The following BMPR1B variants were observed in gnomAD, a reference collection of about 807,000 sequenced individuals.
BMPR1B encodes bone morphogenetic protein receptor type 1B.
In BMPR1B, 12 loss-of-function variants were observed where a neutral mutation model predicts 59.1. That is an observed-to-expected ratio of 0.20 (90% CI 0.13 to 0.33). BMPR1B has a LOEUF of 0.33. Ranked by LOEUF, BMPR1B falls within the 10% of genes least tolerant of loss-of-function variation. The pLI, the probability that BMPR1B is intolerant of heterozygous loss-of-function variation, is 1.00. For missense variants in BMPR1B, 550 were observed against 610.9 expected (o/e 0.90, Z 1.05); for synonymous variants, 237 against 207.3 (o/e 1.14, Z -1.23).
intron 1 of BMPR1B, among the ~76,000 whole-genome samples, chr4:94,852,940 A>T (rs1237822178): frequency 6.6e-6 from 1 of 152,170 alleles, no homozygotes; most frequent in Non-Finnish European, 1.5e-5. Flanking sequence ...TAGACAAAGA[A>T]ATATTAGGTG....
intron 3 of BMPR1B, among the ~76,000 whole-genome samples, chr4:95,004,114 A>G (rs1228252785): frequency 6.6e-6 from 1 of 152,214 alleles, no homozygotes; most frequent in Non-Finnish European, 1.5e-5. Flanking sequence ...CTTCATAAAC[A>G]TAGTTTGTGT....
At chr4:95,017,066 G>T (rs1320296646) in intron 3 of BMPR1B, among the ~76,000 whole-genome samples, 1 of 152,096 alleles carries the variant, frequency 6.6e-6, no homozygotes, top group Non-Finnish European at 1.5e-5. Flanking sequence ...ATGAGTGGGG[G>T]TCTTTCCTCC....
chr4:94,997,077 T>G (rs1458890662), intron 3 of BMPR1B, among the ~76,000 whole-genome samples: 1 of 152,208 alleles, frequency 6.6e-6, no homozygotes, highest in Non-Finnish European at 1.5e-5. Flanking sequence ...AATTATGTTG[T>G]TTCACTAGAA....
intron 1 of BMPR1B, among the ~76,000 whole-genome samples, chr4:94,758,973 C>T (rs1353964632): frequency 2.0e-5 from 3 of 152,074 alleles, no homozygotes; most frequent in Non-Finnish European, 2.9e-5. Context: ...TCCTGGCTCC[C>T]CTGTCTCTTG....
At chr4:94,758,591 C>G (rs1453306083) in intron 1 of BMPR1B, among the ~76,000 whole-genome samples, 1 of 152,234 alleles carries the variant, frequency 6.6e-6, no homozygotes, top group East Asian at 1.9e-4. Flanking sequence ...GGACGCCTCC[C>G]GAGACCCAGC....
intron 1 of BMPR1B, among the ~76,000 whole-genome samples, chr4:94,855,654 C>T (rs1725726754): frequency 6.6e-6 from 1 of 152,214 alleles, no homozygotes; most frequent in Admixed American, 6.5e-5. Context: ...TCTTCTGGTT[C>T]CAGTTACCAC....
At chr4:95,145,819 A>G (rs916098177) in intron 10 of BMPR1B, among the ~76,000 whole-genome samples, 5 of 152,350 alleles carry the variant, frequency 3.3e-5, no homozygotes, top group African/African-American at 1.2e-4. Context: ...GCACTTGCCA[A>G]TAGGTTGATA....
chr4:94,951,609 G>GACTTGATC (rs1215887397), intron 2 of BMPR1B, among the ~76,000 whole-genome samples: 1 of 152,098 alleles, frequency 6.6e-6, no homozygotes, highest in African/African-American at 2.4e-5. Flanking sequence ...GGATGAAGCC[G>GACTTGATC]ACTTGATCGT....
chr4:94,942,824 A>G (rs1041819218), intron 2 of BMPR1B, among the ~76,000 whole-genome samples: 3 of 152,174 alleles, frequency 2.0e-5, no homozygotes, highest in African/African-American at 7.2e-5. Context: ...GATAAATATG[A>G]TTTTCTTTGT....
At chr4:94,765,451 T>C (rs1440460092) in intron 1 of BMPR1B, among the ~76,000 whole-genome samples, 1 of 152,170 alleles carries the variant, frequency 6.6e-6, no homozygotes, top group Non-Finnish European at 1.5e-5. Flanking sequence ...TTATATTTCG[T>C]AGACTATTTT....
chr4:94,952,398 G>A (rs1314363121), intron 2 of BMPR1B, among the ~76,000 whole-genome samples: 1 of 152,134 alleles, frequency 6.6e-6, no homozygotes, highest in Non-Finnish European at 1.5e-5. Flanking sequence ...TGGGCATTTA[G>A]TGCTATAAAT....
intron 1 of BMPR1B, among the ~76,000 whole-genome samples, chr4:94,790,588 G>A (rs1722944153): frequency 6.6e-6 from 1 of 152,176 alleles, no homozygotes; most frequent in Non-Finnish European, 1.5e-5. Context: ...TAGATGTGTT[G>A]CAATCTAGGG....
At chr4:94,951,988 G>A (rs1729957754) in intron 2 of BMPR1B, among the ~76,000 whole-genome samples, 2 of 152,140 alleles carry the variant, frequency 1.3e-5, no homozygotes, top group Non-Finnish European at 2.9e-5. Flanking sequence ...AGTCTTGAGA[G>A]GGTGTGTGTG....
intron 3 of BMPR1B, among the ~76,000 whole-genome samples, chr4:95,067,572 C>T (rs111602163): frequency 0.034 from 5,242 of 152,206 alleles, 126 homozygotes; most frequent in South Asian, 0.062. Flanking sequence ...GGTCTCTGCC[C>T]TGCATGAACA....
chr4:94,876,456 T>TA (rs1333905160), intron 2 of BMPR1B, among the ~76,000 whole-genome samples: 1 of 152,206 alleles, frequency 6.6e-6, no homozygotes, highest in African/African-American at 2.4e-5. Flanking sequence ...TTACTCCTAT[T>TA]ATAGCTATTT....
intron 3 of BMPR1B, among the ~76,000 whole-genome samples, chr4:95,055,601 C>T (rs527410018): frequency 1.3e-5 from 2 of 152,278 alleles, no homozygotes; most frequent in South Asian, 2.1e-4. Flanking sequence ...GTGAGCATCA[C>T]AGATGTAAGA....
chr4:94,951,613 T>G (rs756617446), intron 2 of BMPR1B, among the ~76,000 whole-genome samples: 17 of 152,226 alleles, frequency 1.1e-4, no homozygotes, highest in Non-Finnish European at 2.2e-4. Context: ...GAAGCCGACT[T>G]GATCGTGGTG....
intron 1 of BMPR1B, among the ~76,000 whole-genome samples, chr4:94,841,965 A>G (rs1312524042): frequency 3.3e-5 from 5 of 152,140 alleles, no homozygotes; most frequent in South Asian, 2.1e-4. Context: ...ACGTTATGAT[A>G]ATAATAACAT....
chr4:95,032,470 A>G, intron 3 of BMPR1B, among the ~76,000 whole-genome samples: 1 of 152,146 alleles, frequency 6.6e-6, no homozygotes, highest in Non-Finnish European at 1.5e-5. Context: ...TGAATTTTGA[A>G]GGGACACAAA....
Sources: allele counts gnomAD v4.1 joint callset (sites outside exome capture counted in the v4.1 genomes callset), GRCh38; gene constraint gnomAD v4.1.1; transcripts MANE v1.5; gene names NCBI Gene and HGNC (gene_info 2026-07-23, HGNC 2026-07-21).